Variants in DNAJC13 observed in about 807,000 individuals in gnomAD.
DNAJC13 encodes DnaJ heat shock protein family (Hsp40) member C13.
Under a neutral mutation model 290.5 loss-of-function variants are expected in DNAJC13, and 75 were observed. That is an observed-to-expected ratio of 0.26 (90% CI 0.21 to 0.31). The LOEUF (loss-of-function observed/expected upper bound fraction) is 0.31, where lower values mean the gene tolerates loss of function less well. Ranked by LOEUF, DNAJC13 falls within the 10% of genes least tolerant of loss-of-function variation. The probability of loss-of-function intolerance (pLI) is 1.00; values close to 1 mark genes in which losing one functional copy is unlikely to be tolerated. For synonymous variants in DNAJC13, 862 were observed against 892.0 expected (o/e 0.97, Z 0.60); for missense variants, 2,260 against 2,674.5 (o/e 0.85, Z 3.42).
At chr3:132,523,765 A>T in intron 51 of DNAJC13, 52 bp downstream of exon 51, 1 of 1,545,778 alleles carries the variant, frequency 6.5e-7, no homozygotes, top group South Asian at 1.2e-5. Flanking sequence ...AACTAGACTG[A>T]TGGTGTTTCT....
intron 2 of DNAJC13, among the ~76,000 whole-genome samples, chr3:132,445,313 A>C (rs1300964239): frequency 2.0e-5 from 3 of 152,166 alleles, no homozygotes; most frequent in Non-Finnish European, 4.4e-5. Context: ...AAATTATGTT[A>C]ATAGATTTTT....
At chr3:132,424,937 G>T (rs1193346558) in intron 1 of DNAJC13, among the ~76,000 whole-genome samples, 1 of 151,934 alleles carries the variant, frequency 6.6e-6, no homozygotes, top group Non-Finnish European at 1.5e-5. Context: ...TTAAAAATAG[G>T]GTTAAAGTTC....
At chr3:132,430,698 A>G (rs1407774725) in intron 1 of DNAJC13, among the ~76,000 whole-genome samples, 1 of 152,170 alleles carries the variant, frequency 6.6e-6, no homozygotes, top group Admixed American at 6.5e-5. Flanking sequence ...TATATAGGGG[A>G]AAAATATCCG....
chr3:132,459,417 G>C (rs1029437898), intron 13 of DNAJC13, among the ~76,000 whole-genome samples: 1 of 152,152 alleles, frequency 6.6e-6, no homozygotes, highest in African/African-American at 2.4e-5. Context: ...CAGGGGCTTG[G>C]GAGGAAGGCA....
Position 132,522,818 on chromosome 3 carries a change from C to G in DNAJC13, c.5674-10C>G. ...AGGTGTCTTTTTCATTCTCAAACTT[C>G]CTCGTATAGGTTCGAATTACGTTAA... On this transcript the variant is annotated splice_polypyrimidine_tract_variant and intron_variant, in intron 48 of 55. Coordinates refer to ENST00000260818, the MANE Select transcript of DNAJC13 (RefSeq NM_015268.4). 6.3e-7 allele frequency: 1 copy of G among 1,588,558 alleles called. No homozygotes were observed. The highest frequency in any genetic ancestry group is 8.5e-7 in the Non-Finnish European group (1 of 1,171,794).
rs1193859059 is a variant in DNAJC13, at chr3:132,530,899, T to G, written c.6526-99T>G. On this transcript the variant is annotated intron_variant, in intron 54 of 55. Coordinates refer to ENST00000260818, the MANE Select transcript of DNAJC13 (RefSeq NM_015268.4). ...GCTCCATATTTGGGTCTTTCCTCAC[T>G]GGCCTTCTTCCTTGTTGCTTTGGAA... 3.0e-6 allele frequency: 3 copies of G among 1,002,936 alleles called. No individual in the cohort carries two copies. The African/African-American group carries it at 4.8e-5, about 16-fold the overall frequency. 62.1% of individuals were successfully genotyped at this position (1,002,936 alleles called of 1,614,324 possible).
chr3:132,467,140 C>T, intron 19 of DNAJC13, 30 bp from the exon 20 acceptor site: 2 of 1,597,846 alleles, frequency 1.3e-6, no homozygotes, highest in African/African-American at 1.4e-5. Context: ...TGCAAACAGG[C>T]ATGTAATGGA....
In DNAJC13 at chr3:132,461,035, G is replaced by C. The variant is rs765611385; in HGVS notation, c.1558-15G>C. On this transcript the variant is annotated splice_polypyrimidine_tract_variant and intron_variant, in intron 14 of 55. Coordinates refer to ENST00000260818, the MANE Select transcript of DNAJC13 (RefSeq NM_015268.4). ...ATCTCTTAAGTCTTTAAGAGAATCT[G>C]TTGCATTGTTTCAGGATCATGGGAC... The C allele has an allele frequency of 6.2e-7, 1 of 1,611,950 alleles. No homozygotes were observed. The highest frequency in any genetic ancestry group is 8.5e-7 in the Non-Finnish European group (1 of 1,179,320).
intron 25 of DNAJC13, 141 bp downstream of exon 25, chr3:132,479,430 C>A (rs1310477790): frequency 1.0e-5 from 6 of 595,828 alleles, no homozygotes; most frequent in Non-Finnish European, 1.8e-5. Flanking sequence ...GTGCTCTAAT[C>A]TCCTGGAGGG....
At chr3:132,431,110 G>A (rs1389303873) in intron 1 of DNAJC13, among the ~76,000 whole-genome samples, 4 of 152,210 alleles carry the variant, frequency 2.6e-5, no homozygotes, top group Non-Finnish European at 5.9e-5. Context: ...CCCTGTTAGA[G>A]CATCAGGTTT....
intron 31 of DNAJC13, among the ~76,000 whole-genome samples, chr3:132,489,890 A>G (rs1413086126): frequency 1.3e-5 from 2 of 152,218 alleles, no homozygotes; most frequent in Non-Finnish European, 2.9e-5. Context: ...AGTATTAGAC[A>G]TTTGGGCATT....
Position 132,536,798 on chromosome 3 carries a change from A to G in DNAJC13, c.6626-1378A>G, listed in dbSNP as rs575351341. Among the ~76,000 whole-genome samples, 12 of 152,266 alleles carry G rather than the reference A, an allele frequency of 7.9e-5. No individual in the cohort carries two copies. In the South Asian group the frequency reaches 2.5e-3, roughly 32 times the overall value. On this transcript the variant is annotated intron_variant, in intron 55 of 55. Coordinates refer to ENST00000260818, the MANE Select transcript of DNAJC13 (RefSeq NM_015268.4). ...CTGAGCAGACTGTGAAAGGCCTGGC[A>G]TCCTGATTGGCTCAAGGCAGGAGTT...
intron 40 of DNAJC13, 70 bp downstream of exon 40, chr3:132,502,538 C>A (rs1433468233): frequency 9.7e-6 from 13 of 1,336,668 alleles, no homozygotes; most frequent in African/African-American, 1.5e-5. Context: ...TAATCCAAAC[C>A]AAAGCTGCTA....
At chr3:132,535,961 T>G (rs1559918903) in intron 55 of DNAJC13, among the ~76,000 whole-genome samples, 1 of 152,192 alleles carries the variant, frequency 6.6e-6, no homozygotes, top group Non-Finnish European at 1.5e-5. Flanking sequence ...GATTTGCCTT[T>G]CCTAAAGAGG....
intron 38 of DNAJC13, among the ~76,000 whole-genome samples, chr3:132,500,577 G>C (rs1004427311): frequency 6.6e-6 from 1 of 152,102 alleles, no homozygotes; most frequent in Non-Finnish European, 1.5e-5. Flanking sequence ...TTGGCCCATG[G>C]GTTGTAGTAG....
At chr3:132,487,423 AT>A (rs553164174) in intron 29 of DNAJC13, among the ~76,000 whole-genome samples, 7,835 of 151,190 alleles carry the variant, frequency 0.052, 408 homozygotes, top group African/African-American at 0.14. Flanking sequence ...TGCCCGGCTA[AT>A]TTTTTGTACT....
At chr3:132,419,100 A>G (rs879924885) in intron 1 of DNAJC13, among the ~76,000 whole-genome samples, 8 of 152,226 alleles carry the variant, frequency 5.3e-5, no homozygotes, top group Admixed American at 6.5e-5. Context: ...TAGTATCACA[A>G]TGCATTCAGG....
chr3:132,436,251 T>G (rs1324363990), intron 2 of DNAJC13, among the ~76,000 whole-genome samples: 1 of 152,212 alleles, frequency 6.6e-6, no homozygotes, highest in East Asian at 1.9e-4. Flanking sequence ...GGCGTTAATC[T>G]ACTTCCTGTC....
At chr3:132,471,314 C>G (rs1194140263) in intron 20 of DNAJC13, among the ~76,000 whole-genome samples, 1 of 145,866 alleles carries the variant, frequency 6.9e-6, no homozygotes, top group Non-Finnish European at 1.5e-5. Context: ...ACCTCCCTCC[C>G]GGACGGGGCG....
Sources: allele counts gnomAD v4.1 joint callset (sites outside exome capture counted in the v4.1 genomes callset), GRCh38; gene constraint gnomAD v4.1.1; transcripts MANE v1.5; gene names NCBI Gene and HGNC (gene_info 2026-07-23, HGNC 2026-07-21).